KCNQ5: variants seen among roughly 807,000 people sequenced by gnomAD.
KCNQ5 encodes potassium voltage-gated channel subfamily KQT member 5.
KCNQ5 carries 30 observed loss-of-function variants against 98.2 expected under a neutral mutation model. The observed-to-expected ratio is 0.31, with a 90% CI of 0.23 to 0.41. KCNQ5 has a LOEUF of 0.41. KCNQ5 is among the 10% of genes least tolerant of loss of function. KCNQ5 has a pLI of 1.00. For synonymous variants in KCNQ5, 458 were observed against 449.4 expected, an observed-to-expected ratio of 1.02 and a Z score of -0.24; for missense variants, 835 against 1,182.5, an observed-to-expected ratio of 0.71 and a Z score of 4.31.
At chr6:72,801,309 C>A (rs2150093378) in intron 1 of KCNQ5, among the ~76,000 whole-genome samples, 1 of 145,166 alleles carries the variant, frequency 6.9e-6, no homozygotes, top group African/African-American at 2.7e-5. Flanking sequence ...TCTGGGTGCT[C>A]CTGTATTGGG....
At chr6:73,166,135 T>C (rs1342675120) in intron 10 of KCNQ5, among the ~76,000 whole-genome samples, 1 of 151,330 alleles carries the variant, frequency 6.6e-6, no homozygotes, top group Non-Finnish European at 1.5e-5. Context: ...CAAGAGGTAA[T>C]GGTAAAACAC....
chr6:72,629,211 A>C (rs1045914988), intron 1 of KCNQ5, among the ~76,000 whole-genome samples: 19 of 152,204 alleles, frequency 1.2e-4, no homozygotes, highest in Non-Finnish European at 2.8e-4. Flanking sequence ...GACCTAATGA[A>C]TTACTTTACT....
chr6:72,697,479 C>T (rs559742337), intron 1 of KCNQ5, among the ~76,000 whole-genome samples: 4 of 152,140 alleles, frequency 2.6e-5, no homozygotes, highest in African/African-American at 9.6e-5. Context: ...TAGATTTAAA[C>T]CTTAAACTAT....
chr6:73,132,226 C>A (rs1274396400), intron 9 of KCNQ5, among the ~76,000 whole-genome samples: 1 of 152,116 alleles, frequency 6.6e-6, no homozygotes, highest in Non-Finnish European at 1.5e-5. Flanking sequence ...GAGAACGCTG[C>A]TTTCATACCC....
At chr6:72,850,859 A>G (rs1777223056) in intron 1 of KCNQ5, among the ~76,000 whole-genome samples, 1 of 152,142 alleles carries the variant, frequency 6.6e-6, no homozygotes, top group Non-Finnish European at 1.5e-5. Context: ...ATATCTCCTA[A>G]TCTCTCATTT....
chr6:73,076,704 G>A (rs772321492), intron 3 of KCNQ5, among the ~76,000 whole-genome samples: 2 of 152,152 alleles, frequency 1.3e-5, no homozygotes, highest in Non-Finnish European at 2.9e-5. Flanking sequence ...CAGGTCTAAA[G>A]AATACTCTAT....
chr6:72,750,689 T>C (rs1184290615), intron 1 of KCNQ5, among the ~76,000 whole-genome samples: 1 of 152,026 alleles, frequency 6.6e-6, no homozygotes, highest in Non-Finnish European at 1.5e-5. Flanking sequence ...AATATCTTAA[T>C]TTGAAGTTAA....
At chr6:72,887,427 G>A (rs763081072) in intron 1 of KCNQ5, among the ~76,000 whole-genome samples, 6 of 152,068 alleles carry the variant, frequency 3.9e-5, no homozygotes, top group Non-Finnish European at 8.8e-5. Context: ...ACCATGACAC[G>A]TGGGAATTGT....
intron 1 of KCNQ5, among the ~76,000 whole-genome samples, chr6:72,922,794 C>CTT (rs759958637): frequency 8.8e-6 from 1 of 113,904 alleles, no homozygotes; most frequent in Non-Finnish European, 1.7e-5. Context: ...ACCTTTCTTT[C>CTT]TTTCTTTTTC....
chr6:72,950,147 A>G (rs953113076), intron 1 of KCNQ5, among the ~76,000 whole-genome samples: 1 of 152,220 alleles, frequency 6.6e-6, no homozygotes, highest in South Asian at 2.1e-4. Context: ...AATAGCTAAG[A>G]AAAACTAAGA....
At position 73,142,437 on chromosome 6, in the gene KCNQ5, G is replaced by A. The variant is rs115102548; in HGVS notation, c.1468+8796G>A. 6.3e-3 allele frequency among the ~76,000 whole-genome samples: 950 copies of A among 151,064 alleles called. 11 individuals carry two copies. The highest frequency in any genetic ancestry group is 0.022 in the African/African-American group (907 of 41,086). ...TCTCCGTTACCTACCTGCCTTTAAC[G>A]ACATGGGTTTATAACTTCTGGTCTA... On this transcript the variant is annotated intron_variant, in intron 10 of 13. Coordinates refer to ENST00000370398, the MANE Select transcript of KCNQ5 (RefSeq NM_019842.4).
At chr6:72,995,007 T>C (rs1465724023) in intron 1 of KCNQ5, among the ~76,000 whole-genome samples, 1 of 152,202 alleles carries the variant, frequency 6.6e-6, no homozygotes, top group Non-Finnish European at 1.5e-5. Context: ...CCCTGGGCTT[T>C]GTATATTGAT....
chr6:73,079,044 G>A (rs1282198606), intron 5 of KCNQ5, among the ~76,000 whole-genome samples: 3 of 152,194 alleles, frequency 2.0e-5, no homozygotes, highest in Admixed American at 2.0e-4. Flanking sequence ...GCTCACGCCT[G>A]TAATCCAAGC....
intron 1 of KCNQ5, among the ~76,000 whole-genome samples, chr6:72,708,325 AAT>A (rs1336723758): frequency 6.6e-6 from 1 of 152,182 alleles, no homozygotes; most frequent in Non-Finnish European, 1.5e-5. Context: ...AGGGTGGAGA[AAT>A]ATTTGGAAAA....
At chr6:72,821,038 A>G (rs1229033858) in intron 1 of KCNQ5, among the ~76,000 whole-genome samples, 1 of 152,210 alleles carries the variant, frequency 6.6e-6, no homozygotes, top group East Asian at 1.9e-4. Context: ...TAAAAGACAT[A>G]GGTCTCACCA....
chr6:73,007,163 C>T (rs758159372), intron 2 of KCNQ5, among the ~76,000 whole-genome samples: 8 of 152,148 alleles, frequency 5.3e-5, no homozygotes, highest in Non-Finnish European at 1.0e-4. Flanking sequence ...CACAAACTTG[C>T]CTTGGTTACA....
At chr6:72,627,213 G>A (rs1488590121) in intron 1 of KCNQ5, among the ~76,000 whole-genome samples, 2 of 152,152 alleles carry the variant, frequency 1.3e-5, no homozygotes, top group African/African-American at 4.8e-5. Flanking sequence ...CAGATATTTA[G>A]CTTTGAAAGC....
intron 9 of KCNQ5, among the ~76,000 whole-genome samples, chr6:73,127,730 A>T (rs1776048927): frequency 6.6e-6 from 1 of 152,230 alleles, no homozygotes; most frequent in Admixed American, 6.5e-5. Flanking sequence ...GGCTAAGGAA[A>T]AATGTCACAT....
chr6:73,168,397 G>A (rs1476061836), intron 10 of KCNQ5, among the ~76,000 whole-genome samples: 1 of 152,142 alleles, frequency 6.6e-6, no homozygotes, highest in Non-Finnish European at 1.5e-5. Flanking sequence ...GAGAGGCTTG[G>A]ACCATATAAA....
Sources: gnomAD v4.1 joint callset for allele counts (sites outside exome capture counted in the v4.1 genomes callset) on GRCh38, gnomAD v4.1.1 for gene constraint, MANE v1.5 for transcripts, NCBI Gene and HGNC (gene_info 2026-07-23, HGNC 2026-07-21) for gene names.